TENM3: variants seen among roughly 807,000 people sequenced by gnomAD.
TENM3 encodes the protein teneurin-3.
TENM3 carries 63 observed loss-of-function variants against 255.1 expected under a neutral mutation model. The ratio of observed to expected loss-of-function variants is 0.25; its 90% confidence interval spans 0.20 to 0.30. The LOEUF (loss-of-function observed/expected upper bound fraction) is 0.30. Ranked by LOEUF, TENM3 falls within the 10% of genes least tolerant of loss-of-function variation. The pLI, the probability that TENM3 is intolerant of heterozygous loss-of-function variation, is 1.00. For missense variants in TENM3, 2,929 were observed against 3,461.1 expected, an observed-to-expected ratio of 0.85 and a Z score of 3.86; for synonymous variants, 1,306 against 1,322.3, an observed-to-expected ratio of 0.99 and a Z score of 0.27.
chr4:181,843,698 G>A, the TENM3 span, among the ~76,000 whole-genome samples: 11 of 150,406 alleles, frequency 7.3e-5, no homozygotes, highest in South Asian at 2.3e-3. Flanking sequence ...GTGAGGCACC[G>A]CCTCTGGTAA....
In TENM3 at chr4:182,792,843, A is replaced by C; in HGVS notation, c.6171A>C (p.Gly2057=). Residue 2057 remains glycine, a synonymous_variant, in exon 26 of 28, where the codon GGA becomes GGC. Transcript: ENST00000511685. The surrounding 1 kb of genome is among the most constrained non-coding windows in gnomAD (Gnocchi z 6.3). The stretch of plus-strand genomic sequence containing the variant: ...TTTCTGGCAAAGTTGAGCAGTTTGG[A>C]AAGTTTGGAGTTATATATTATGATA... ...DDISGKVEQF[G]KFGVIYYDIN... is the part of the protein sequence containing the mutation. 1 of 1,613,824 alleles carries C rather than the reference A, an allele frequency of 6.2e-7. No homozygotes were observed. Among genetic ancestry groups the C allele is most frequent in the Non-Finnish European group, 8.5e-7 (1 of 1,179,790 alleles).
chr4:182,742,468 C>T (rs757732100), intron 18 of TENM3, among the ~76,000 whole-genome samples: 2 of 152,112 alleles, frequency 1.3e-5, no homozygotes, highest in African/African-American at 2.4e-5. Flanking sequence ...TGAGAGTGTA[C>T]GCAGGAATAG....
chr4:181,681,765 A>G, the TENM3 span, among the ~76,000 whole-genome samples: 1 of 151,980 alleles, frequency 6.6e-6, no homozygotes, highest in African/African-American at 2.4e-5. Flanking sequence ...TTTCCCCAGT[A>G]GGGATAAAAC....
At chr4:182,764,089 A>G (rs1763451490) in intron 22 of TENM3, among the ~76,000 whole-genome samples, 1 of 152,252 alleles carries the variant, frequency 6.6e-6, no homozygotes, top group Non-Finnish European at 1.5e-5. Flanking sequence ...CAGTTTCCAA[A>G]AGCAGCTATG....
chr4:181,541,331 C>T, the TENM3 span, among the ~76,000 whole-genome samples: 1 of 152,050 alleles, frequency 6.6e-6, no homozygotes, highest in African/African-American at 2.4e-5. Flanking sequence ...CTGAAGTGAG[C>T]CATGATCACT....
intron 1 of TENM3, among the ~76,000 whole-genome samples, chr4:182,250,019 C>G (rs1757895067): frequency 6.6e-6 from 1 of 150,450 alleles, no homozygotes; most frequent in Non-Finnish European, 1.5e-5. Flanking sequence ...GTGGTCTGCA[C>G]TGTTCTGGTC....
intron 22 of TENM3, among the ~76,000 whole-genome samples, chr4:182,758,700 G>T (rs1315919703): frequency 6.6e-6 from 1 of 152,000 alleles, no homozygotes; most frequent in African/African-American, 2.4e-5. Flanking sequence ...CCTTACAAAG[G>T]GCAGCCTGTA....
At chr4:182,779,834 T>A (rs1765021645) in intron 24 of TENM3, among the ~76,000 whole-genome samples, 1 of 152,202 alleles carries the variant, frequency 6.6e-6, no homozygotes, top group Non-Finnish European at 1.5e-5. Flanking sequence ...TTTTCATGTG[T>A]TTTTTGGCTG....
chr4:181,597,913 G>A, the TENM3 span, among the ~76,000 whole-genome samples: 7 of 152,026 alleles, frequency 4.6e-5, no homozygotes, highest in Non-Finnish European at 7.4e-5. Context: ...AATGCATTTC[G>A]CCTTAAGAAT....
chr4:181,561,478 G>T, the TENM3 span, among the ~76,000 whole-genome samples: 1 of 152,132 alleles, frequency 6.6e-6, no homozygotes, highest in Non-Finnish European at 1.5e-5. Flanking sequence ...CAAAAGCAAA[G>T]AAAGTGTTAA....
At chr4:182,263,059 C>T (rs1758959663) in intron 1 of TENM3, among the ~76,000 whole-genome samples, 1 of 152,122 alleles carries the variant, frequency 6.6e-6, no homozygotes, top group Admixed American at 6.5e-5. Context: ...GGAAGCCTCT[C>T]TTGGGGTCTG....
At chr4:182,056,815 T>C in the TENM3 span, among the ~76,000 whole-genome samples, 1 of 151,654 alleles carries the variant, frequency 6.6e-6, no homozygotes, top group Non-Finnish European at 1.5e-5. Context: ...GAACAGAGAA[T>C]GGAGGGAGGT....
the TENM3 span, among the ~76,000 whole-genome samples, chr4:181,912,757 G>A: frequency 1.4e-5 from 2 of 143,468 alleles, no homozygotes; most frequent in Non-Finnish European, 3.0e-5. Context: ...GGGCCACAAA[G>A]CAAGACTATC....
intron 1 of TENM3, among the ~76,000 whole-genome samples, chr4:182,244,676 C>T (rs1339967881): frequency 2.0e-5 from 3 of 152,186 alleles, no homozygotes; most frequent in African/African-American, 4.8e-5. Context: ...TCCAGGAACA[C>T]TTTTGTCCCT....
the TENM3 span, among the ~76,000 whole-genome samples, chr4:181,809,505 T>TA: frequency 3.9e-5 from 6 of 152,206 alleles, no homozygotes. Context: ...CTGACCTACT[T>TA]ACGGAGTTGG....
chr4:182,403,532 G>A (rs1405621177), intron 3 of TENM3, among the ~76,000 whole-genome samples: 2 of 152,176 alleles, frequency 1.3e-5, no homozygotes, highest in African/African-American at 4.8e-5. Context: ...AGACGGAATC[G>A]AAGCTGAAAC....
the TENM3 span, among the ~76,000 whole-genome samples, chr4:181,782,728 G>C: frequency 1.3e-5 from 2 of 152,090 alleles, no homozygotes; most frequent in Non-Finnish European, 1.5e-5. Flanking sequence ...GTCAATTTTA[G>C]ATCTTTCCTG....
At chr4:182,234,105 A>T (rs1192572673) in intron 1 of TENM3, among the ~76,000 whole-genome samples, 4 of 152,156 alleles carry the variant, frequency 2.6e-5, no homozygotes, top group Non-Finnish European at 5.9e-5. Flanking sequence ...CTCCAAGTTC[A>T]CCGTGAAAGC....
chr4:181,594,763 C>A, the TENM3 span, among the ~76,000 whole-genome samples: 1 of 152,144 alleles, frequency 6.6e-6, no homozygotes, highest in Non-Finnish European at 1.5e-5. Flanking sequence ...ATTTAGATAA[C>A]CATGAGGCAT....
Sources: allele counts gnomAD v4.1 joint callset (sites outside exome capture counted in the v4.1 genomes callset), GRCh38; gene constraint gnomAD v4.1.1; non-coding constraint Gnocchi (gnomAD v3.1); transcripts MANE v1.5; gene names NCBI Gene and HGNC (gene_info 2026-07-23, HGNC 2026-07-21).